The following LRP1B variants were observed in gnomAD, a reference collection of about 807,000 sequenced individuals.
The protein encoded by LRP1B is LDL receptor related protein 1B.
LRP1B carries 217 observed loss-of-function variants against 556.6 expected under a neutral mutation model. That is an observed-to-expected ratio of 0.39 (90% CI 0.35 to 0.44). The LOEUF (loss-of-function observed/expected upper bound fraction) is 0.44, where lower values mean the gene tolerates loss of function less well. Among genes scored for constraint, LRP1B ranks in the 20% least tolerant of loss-of-function variants. The pLI is 1.00. For synonymous variants in LRP1B, 2,047 were observed against 1,865.8 expected, an observed-to-expected ratio of 1.10 and a Z score of -2.50; for missense variants, 5,053 against 5,620.8, an observed-to-expected ratio of 0.90 and a Z score of 3.23.
chr2:140,564,833 T>C (rs1423858769), intron 43 of LRP1B, among the ~76,000 whole-genome samples: 1 of 152,122 alleles, frequency 6.6e-6, no homozygotes. Context: ...GTATTTCAAA[T>C]TAAATCTAGT....
chr2:141,129,899 A>T (rs1701306943), intron 7 of LRP1B, among the ~76,000 whole-genome samples: 1 of 150,722 alleles, frequency 6.6e-6, no homozygotes, highest in Non-Finnish European at 1.5e-5. Context: ...AATAAGCTGT[A>T]ATCAACAGAG....
At chr2:141,714,476 ATT>A (rs769728936) in intron 2 of LRP1B, among the ~76,000 whole-genome samples, 17 of 120,280 alleles carry the variant, frequency 1.4e-4, no homozygotes, top group Non-Finnish European at 1.6e-4. Flanking sequence ...TATTTTAAGT[ATT>A]TTTTTTTTTT....
chr2:141,792,787 C>T (rs1482778896), intron 2 of LRP1B, among the ~76,000 whole-genome samples: 1 of 151,878 alleles, frequency 6.6e-6, no homozygotes, highest in Non-Finnish European at 1.5e-5. Context: ...TGACATTCCA[C>T]TTAGCTAAAT....
At chr2:140,345,716 G>A (rs895161470) in intron 77 of LRP1B, among the ~76,000 whole-genome samples, 13 of 137,408 alleles carry the variant, frequency 9.5e-5, no homozygotes, top group African/African-American at 2.4e-4. Flanking sequence ...ACTCATATAT[G>A]TATATATATA....
At chr2:142,113,979 G>A (rs2104994853) in intron 1 of LRP1B, among the ~76,000 whole-genome samples, 1 of 152,188 alleles carries the variant, frequency 6.6e-6, no homozygotes, top group African/African-American at 2.4e-5. Context: ...TTTCTATAGA[G>A]CAGTATGAAC....
At chr2:141,508,827 G>A (rs1230336221) in intron 2 of LRP1B, among the ~76,000 whole-genome samples, 1 of 152,058 alleles carries the variant, frequency 6.6e-6, no homozygotes, top group Non-Finnish European at 1.5e-5. Context: ...ATTACGATTG[G>A]TCACTTCCCC....
chr2:141,247,500 T>TA, intron 4 of LRP1B, 146 bp from the exon 5 acceptor site: 1 of 772,330 alleles, frequency 1.3e-6, no homozygotes, highest in Non-Finnish European at 2.1e-6. Context: ...CCACACTAAC[T>TA]AAAAATTAAA....
chr2:141,326,773 T>A (rs890188400), intron 3 of LRP1B, among the ~76,000 whole-genome samples: 13 of 152,326 alleles, frequency 8.5e-5, no homozygotes, highest in Admixed American at 7.8e-4. Context: ...AGTTTGTGAA[T>A]CCTTGATGTA....
Position 140,814,122 on chromosome 2 carries a change from G to A in LRP1B, c.5210-316C>T, listed in dbSNP as rs139011157. Among the ~76,000 whole-genome samples the A allele has an allele frequency of 3.9e-5, 6 of 152,032 alleles. No homozygotes were observed. The East Asian group carries it at 5.8e-4, about 15-fold the overall frequency. Reference sequence around the variant, plus strand: ...CCTGCTGAGCTAGGACTACAAATGTGCACCACTATGCCCAGCTAATTTTTA... The same window carrying A: ...CCTGCTGAGCTAGGACTACAAATGTACACCACTATGCCCAGCTAATTTTTA... On this transcript the variant is annotated intron_variant, in intron 31 of 90. Transcript: ENST00000389484.
At chr2:141,902,683 T>A (rs968040576) in intron 1 of LRP1B, among the ~76,000 whole-genome samples, 1 of 151,366 alleles carries the variant, frequency 6.6e-6, no homozygotes, top group Non-Finnish European at 1.5e-5. Context: ...AATATGAACT[T>A]ACTCTTGAAA....
chr2:141,603,918 A>G (rs1218604696), intron 2 of LRP1B, among the ~76,000 whole-genome samples: 1 of 152,206 alleles, frequency 6.6e-6, no homozygotes, highest in African/African-American at 2.4e-5. Flanking sequence ...CAATTGTCAT[A>G]GATTCTAAGA....
At chr2:141,784,738 G>A (rs193213686) in intron 2 of LRP1B, among the ~76,000 whole-genome samples, 101 of 151,710 alleles carry the variant, frequency 6.7e-4, no homozygotes, top group African/African-American at 2.1e-3. Context: ...TTCCCCTCCC[G>A]TCTCTTAAAT....
intron 2 of LRP1B, among the ~76,000 whole-genome samples, chr2:141,745,420 C>A (rs1693878954): frequency 6.6e-6 from 1 of 152,084 alleles, no homozygotes; most frequent in Admixed American, 6.6e-5. Context: ...CTCTTCCCTC[C>A]CCCTTCCACT....
intron 2 of LRP1B, among the ~76,000 whole-genome samples, chr2:141,732,889 G>A (rs1693327287): frequency 6.6e-6 from 1 of 152,208 alleles, no homozygotes; most frequent in African/African-American, 2.4e-5. Context: ...AGATTGAGAA[G>A]CAAAGGAAGC....
chr2:140,784,158 G>T (rs1216257887), intron 32 of LRP1B, among the ~76,000 whole-genome samples: 1 of 152,034 alleles, frequency 6.6e-6, no homozygotes, highest in Non-Finnish European at 1.5e-5. Flanking sequence ...CCTATGTCAC[G>T]AACATAAGAC....
chr2:140,667,444 A>T (rs1433985820), intron 41 of LRP1B, among the ~76,000 whole-genome samples: 1 of 152,192 alleles, frequency 6.6e-6, no homozygotes, highest in Non-Finnish European at 1.5e-5. Context: ...CCAAGCTAGA[A>T]TGACTGCTAA....
intron 84 of LRP1B, among the ~76,000 whole-genome samples, chr2:140,287,903 TTCAC>T (rs1392411235): frequency 1.7e-4 from 2 of 11,728 alleles, no homozygotes; most frequent in Non-Finnish European, 1.2e-3. Flanking sequence ...TGTTGGAACT[TTCAC>T]TTTATTTGGA....
intron 3 of LRP1B, among the ~76,000 whole-genome samples, chr2:141,290,565 C>T (rs188812994): frequency 7.3e-4 from 111 of 152,148 alleles, no homozygotes; most frequent in African/African-American, 2.6e-3. Flanking sequence ...TCTGAGGAAG[C>T]AGTTTTATGT....
chr2:140,594,633 G>A (rs1682359669), intron 43 of LRP1B, among the ~76,000 whole-genome samples: 1 of 152,122 alleles, frequency 6.6e-6, no homozygotes, highest in Non-Finnish European at 1.5e-5. Context: ...AAGATACACT[G>A]TATCTAATAT....
Sources: allele counts gnomAD v4.1 joint callset (sites outside exome capture counted in the v4.1 genomes callset), GRCh38; gene constraint gnomAD v4.1.1; transcripts MANE v1.5; gene names NCBI Gene and HGNC (gene_info 2026-07-23, HGNC 2026-07-21).